The following CCDC172 variants were observed in gnomAD, a reference collection of about 807,000 sequenced individuals.
CCDC172 encodes coiled-coil domain containing 172.
Under a neutral mutation model 38.0 loss-of-function variants are expected in CCDC172, and 30 were observed. The observed-to-expected ratio is 0.79, with a 90% confidence interval of 0.59 to 1.07. The LOEUF (loss-of-function observed/expected upper bound fraction) is 1.07. CCDC172 is among the 50% of genes least tolerant of loss of function. CCDC172 has a pLI of 0.00. For missense variants in CCDC172, 297 were observed against 290.1 expected (o/e 1.02, Z -0.17); for synonymous variants, 78 against 88.3 (o/e 0.88, Z 0.66).
intron 3 of CCDC172, among the ~76,000 whole-genome samples, chr10:116,338,930 A>G (rs1188025385): frequency 6.6e-6 from 1 of 152,070 alleles, no homozygotes; most frequent in Non-Finnish European, 1.5e-5. Context: ...TGAAGGGCAT[A>G]ATACTTGAAA....
chr10:116,363,798 G>A (rs776701310), intron 7 of CCDC172, among the ~76,000 whole-genome samples: 19 of 151,966 alleles, frequency 1.3e-4, no homozygotes, highest in Non-Finnish European at 2.2e-4. Flanking sequence ...TTAGCTGGGG[G>A]TGGATGCCTG....
chr10:116,324,924 A>ATC, intron 1 of CCDC172, 23 bp from the exon 2 acceptor site: 2 of 1,059,486 alleles, frequency 1.9e-6, no homozygotes, highest in South Asian at 2.6e-5. Flanking sequence ...AGAAGAATCC[A>ATC]TCTTCTTTAT....
At chr10:116,347,701 A>T (rs1482262478) in intron 5 of CCDC172, among the ~76,000 whole-genome samples, 2 of 152,176 alleles carry the variant, frequency 1.3e-5, no homozygotes, top group Non-Finnish European at 2.9e-5. Flanking sequence ...TCACTATTAT[A>T]TAACAGTGTT....
At chr10:116,355,552 A>T (rs763472959) in intron 5 of CCDC172, among the ~76,000 whole-genome samples, 3 of 152,202 alleles carry the variant, frequency 2.0e-5, no homozygotes, top group Non-Finnish European at 4.4e-5. Flanking sequence ...GTAGCAAAAA[A>T]GTGGAAACAA....
chr10:116,341,994 G>T (rs983106638), intron 4 of CCDC172, 42 bp from the exon 5 acceptor site: 9 of 1,264,464 alleles, frequency 7.1e-6, no homozygotes, highest in Non-Finnish European at 9.4e-6. Context: ...AAATATTATT[G>T]CAACTAACAC....
At chr10:116,355,817 G>A (rs144521041) in intron 5 of CCDC172, among the ~76,000 whole-genome samples, 248 of 152,278 alleles carry the variant, frequency 1.6e-3, no homozygotes, top group African/African-American at 5.5e-3. Flanking sequence ...GGCTGGCAGA[G>A]TTAGGGGAAA....
intron 5 of CCDC172, among the ~76,000 whole-genome samples, chr10:116,344,262 A>G (rs1277802385): frequency 1.3e-5 from 2 of 152,228 alleles, no homozygotes; most frequent in Admixed American, 1.3e-4. Flanking sequence ...AGTCAGTATC[A>G]TCGTGTGAAC....
chr10:116,374,784 T>C (rs921725694), intron 7 of CCDC172, among the ~76,000 whole-genome samples: 1 of 151,690 alleles, frequency 6.6e-6, no homozygotes, highest in Non-Finnish European at 1.5e-5. Context: ...ATGAAAATGG[T>C]CTAAATATGC....
chr10:116,335,454 T>C lies in CCDC172; in HGVS notation c.166-5280T>C, dbSNP rs181735182. On this transcript the variant is annotated intron_variant, in intron 3 of 8. Transcript: ENST00000333254. ...TGGAAGGGTAATTTCTTTTTCAGAA[T>C]TTTCCTGATTCTTTTCATAGTTTAT... Among the ~76,000 whole-genome samples the C allele has an allele frequency of 2.7e-3, 407 of 152,008 alleles. 7 individuals are homozygous for C. The highest frequency in any genetic ancestry group is 4.3e-3 in the Non-Finnish European group (292 of 67,974).
intron 3 of CCDC172, among the ~76,000 whole-genome samples, chr10:116,333,740 T>A (rs1177075283): frequency 4.6e-5 from 7 of 152,318 alleles, no homozygotes; most frequent in African/African-American, 1.7e-4. Flanking sequence ...CTCGCTGAGA[T>A]GAGCAGCTTT....
rs1304622161 is a variant in CCDC172 at position 116,349,490 on chromosome 10, T to A, written c.448+7289T>A. On this transcript the variant is annotated intron_variant, in intron 5 of 8. Coordinates refer to ENST00000333254, the MANE Select transcript of CCDC172 (RefSeq NM_198515.3). ...GATACTCCACCCTCCCAATTCCATA[T>A]TAGGTCAGCTCTTCTGGTTATATTC... Among the ~76,000 whole-genome samples the A allele has an allele frequency of 2.0e-5, 3 of 152,320 alleles. No homozygotes were observed. In the East Asian group the frequency reaches 5.8e-4, roughly 29 times the overall value.
chr10:116,329,693 G>A (rs1167006930), intron 3 of CCDC172, among the ~76,000 whole-genome samples: 1 of 152,114 alleles, frequency 6.6e-6, no homozygotes, highest in Admixed American at 6.6e-5. Flanking sequence ...TCTTCTCTAT[G>A]TTAATGCACA....
intron 7 of CCDC172, among the ~76,000 whole-genome samples, chr10:116,361,852 A>G (rs376014993): frequency 2.6e-4 from 39 of 152,308 alleles, no homozygotes; most frequent in African/African-American, 6.7e-4. Flanking sequence ...TCAAGGATAC[A>G]TAAATAAATA....
intron 3 of CCDC172, among the ~76,000 whole-genome samples, chr10:116,331,672 A>T (rs747123886): frequency 6.6e-6 from 1 of 152,122 alleles, no homozygotes; most frequent in Non-Finnish European, 1.5e-5. Context: ...ACATGGTGGT[A>T]GATTTTCTTA....
Position 116,379,686 on chromosome 10 carries a change from T to G in CCDC172, c.*328T>G, listed in dbSNP as rs1845289154. 1 of 181,276 alleles carries G rather than the reference T, an allele frequency of 5.5e-6. No individual in the cohort carries two copies. The highest frequency in any genetic ancestry group is 1.1e-5 in the Non-Finnish European group (1 of 87,664). The allele number at this position is 181,276 out of a possible 1,614,324, so 11.2% of individuals were successfully genotyped here. On this transcript the variant is annotated 3_prime_UTR_variant, in exon 9 of 9. Transcript: ENST00000333254. Reference sequence around the variant, plus strand: ...TTCTTTCTAATCTATATAATATGGTTTGGATCTGTGTCCATGCCCAAATCT... The same window carrying G: ...TTCTTTCTAATCTATATAATATGGTGTGGATCTGTGTCCATGCCCAAATCT...
intron 8 of CCDC172, among the ~76,000 whole-genome samples, chr10:116,378,877 G>A (rs1336967058): frequency 1.3e-5 from 2 of 151,998 alleles, no homozygotes; most frequent in South Asian, 2.1e-4. Flanking sequence ...TTTTTGATAG[G>A]CATAAATTAT....
chr10:116,343,621 T>C (rs1207599528), intron 5 of CCDC172, among the ~76,000 whole-genome samples: 3 of 152,022 alleles, frequency 2.0e-5, no homozygotes, highest in East Asian at 3.9e-4. Context: ...TCCTTTTTTT[T>C]ACTGCCTCTG....
At chr10:116,360,209 ATGACTGATC>A (rs1845046501) in intron 7 of CCDC172, among the ~76,000 whole-genome samples, 1 of 152,222 alleles carries the variant, frequency 6.6e-6, no homozygotes, top group Non-Finnish European at 1.5e-5. Flanking sequence ...GTATGTAATT[ATGACTGATC>A]TGGTTTTTTC....
At chr10:116,338,734 C>T (rs950081679) in intron 3 of CCDC172, among the ~76,000 whole-genome samples, 5 of 152,014 alleles carry the variant, frequency 3.3e-5, no homozygotes, top group African/African-American at 1.2e-4. Context: ...AAAGATAGCA[C>T]CTTAATTTCT....
Sources: allele counts gnomAD v4.1 joint callset (sites outside exome capture counted in the v4.1 genomes callset), GRCh38; gene constraint gnomAD v4.1.1; transcripts MANE v1.5; gene names NCBI Gene and HGNC (gene_info 2026-07-23, HGNC 2026-07-21).